GTF2A2: variants seen among roughly 807,000 people sequenced by gnomAD.
The protein encoded by GTF2A2 is transcription initiation factor IIA subunit 2.
A neutral mutation model predicts 14.3 loss-of-function variants in GTF2A2; 9 were observed. That is an observed-to-expected ratio of 0.63 (90% CI 0.38 to 1.10). The LOEUF (loss-of-function observed/expected upper bound fraction) is 1.10. Among genes scored for constraint, GTF2A2 ranks in the 50% least tolerant of loss-of-function variants. The pLI, the probability that GTF2A2 is intolerant of heterozygous loss-of-function variation, is 0.01. For synonymous variants in GTF2A2, 56 were observed against 46.0 expected, an observed-to-expected ratio of 1.22 and a Z score of -0.88; for missense variants, 90 against 124.6, an observed-to-expected ratio of 0.72 and a Z score of 1.32.
rs1442692311 is a variant in GTF2A2 at position 59,638,880 on chromosome 15, T to C, written c.*252A>G. The C allele has an allele frequency of 2.5e-6, 1 of 394,846 alleles. No homozygotes were observed. Among genetic ancestry groups the C allele is most frequent in the Non-Finnish European group, 4.6e-6 (1 of 217,904 alleles). The allele number at this position is 394,846 out of a possible 1,614,324, so 24.5% of individuals were successfully genotyped here. ...CCAGTTATTACTCAGAGTTTTAAAA[T>C]GAGTTTATTAAAGAAGGTTCTTAGG... On this transcript the variant is annotated 3_prime_UTR_variant, in exon 5 of 5. Coordinates refer to ENST00000396060, the MANE Select transcript of GTF2A2 (RefSeq NM_004492.3).
intron 3 of GTF2A2, among the ~76,000 whole-genome samples, chr15:59,645,894 C>T (rs1403664900): frequency 6.6e-6 from 1 of 151,870 alleles, no homozygotes; most frequent in Non-Finnish European, 1.5e-5. Context: ...ATTAGACGGG[C>T]ATGATGGTGG....
At chr15:59,639,179 AAAGT>A (rs1377731795) in intron 4 of GTF2A2, 22 bp from the exon 5 acceptor site, 17 of 1,332,764 alleles carry the variant, frequency 1.3e-5, no homozygotes, top group East Asian at 2.5e-5. Context: ...AAGAGAAAGT[AAAGT>A]AAAGTAAATT....
intron 4 of GTF2A2, chr15:59,640,177 G>C (rs1891360207): frequency 6.6e-6 from 1 of 152,226 alleles, no homozygotes; most frequent in African/African-American, 2.4e-5. Flanking sequence ...GCTGAAGTGT[G>C]AGGGAAAATC....
chr15:59,655,637 A>G (rs139648339), intron 1 of GTF2A2, among the ~76,000 whole-genome samples: 83 of 152,292 alleles, frequency 5.5e-4, no homozygotes, highest in African/African-American at 1.8e-3. Flanking sequence ...GTCTACACCC[A>G]TTCCTTACGG....
chr15:59,654,130 A>T (rs1399313753), intron 1 of GTF2A2, among the ~76,000 whole-genome samples: 1 of 152,142 alleles, frequency 6.6e-6, no homozygotes, highest in Non-Finnish European at 1.5e-5. Context: ...AAGGCAAATC[A>T]CATCACTGGT....
At chr15:59,654,488 C>T (rs552631319) in intron 1 of GTF2A2, among the ~76,000 whole-genome samples, 2 of 152,308 alleles carry the variant, frequency 1.3e-5, no homozygotes, top group Admixed American at 1.3e-4. Context: ...TTCTTCCTCA[C>T]ACTGCTTTAT....
intron 1 of GTF2A2, among the ~76,000 whole-genome samples, chr15:59,654,429 C>T (rs1891884495): frequency 1.3e-5 from 2 of 152,152 alleles, no homozygotes; most frequent in Admixed American, 1.3e-4. Flanking sequence ...AAGCATTACT[C>T]CATCAGAAAG....
chr15:59,649,953 G>T (rs1891740652), intron 3 of GTF2A2, among the ~76,000 whole-genome samples: 1 of 151,976 alleles, frequency 6.6e-6, no homozygotes, highest in African/African-American at 2.4e-5. Flanking sequence ...ATTTCTACAG[G>T]TTATGCCTTA....
intron 2 of GTF2A2, chr15:59,651,455 T>G (rs1891790516): frequency 6.6e-6 from 1 of 152,272 alleles, no homozygotes; most frequent in Non-Finnish European, 1.5e-5. Context: ...GGGATTACAG[T>G]CATGAGCCAT....
intron 1 of GTF2A2, among the ~76,000 whole-genome samples, chr15:59,654,250 C>T (rs1030402700): frequency 1.3e-5 from 2 of 152,190 alleles, no homozygotes; most frequent in Non-Finnish European, 2.9e-5. Flanking sequence ...CCTATCTTCG[C>T]CCACTCACCC....
chr15:59,652,609 TTAGTC>T (rs1891829250), intron 1 of GTF2A2, among the ~76,000 whole-genome samples: 1 of 152,206 alleles, frequency 6.6e-6, no homozygotes, highest in South Asian at 2.1e-4. Flanking sequence ...GCCTTCTGAC[TTAGTC>T]TAGAATTTTC....
chr15:59,646,229 G>A (rs1891602380), intron 3 of GTF2A2, among the ~76,000 whole-genome samples: 1 of 151,812 alleles, frequency 6.6e-6, no homozygotes, highest in African/African-American at 2.4e-5. Flanking sequence ...GCTAATTTTT[G>A]TATTTTTAGT....
At chr15:59,652,559 ATATT>A (rs1438872919) in intron 1 of GTF2A2, among the ~76,000 whole-genome samples, 1 of 152,096 alleles carries the variant, frequency 6.6e-6, no homozygotes, top group Non-Finnish European at 1.5e-5. Context: ...TATAGCTGTT[ATATT>A]TATTAAAATG....
chr15:59,651,590 T>G (rs1360607669), intron 2 of GTF2A2: 1 of 152,226 alleles, frequency 6.6e-6, no homozygotes, highest in East Asian at 1.9e-4. Context: ...TGGACAAAAC[T>G]ATCTTAAAGC....
intron 3 of GTF2A2, among the ~76,000 whole-genome samples, chr15:59,643,941 C>T (rs2141958834): frequency 6.6e-6 from 1 of 152,250 alleles, no homozygotes; most frequent in South Asian, 2.1e-4. Flanking sequence ...GTTGCCCAGG[C>T]TGGAGTGCAG....
At chr15:59,642,453 A>G (rs1019354592) in intron 3 of GTF2A2, among the ~76,000 whole-genome samples, 191 bp from the exon 4 acceptor site, 3 of 152,210 alleles carry the variant, frequency 2.0e-5, no homozygotes, top group African/African-American at 7.2e-5. Flanking sequence ...AGATTTCAAA[A>G]ATATTTTAGT....
intron 4 of GTF2A2, among the ~76,000 whole-genome samples, 163 bp from the exon 5 acceptor site, chr15:59,639,320 G>C (rs1272161681): frequency 1.3e-5 from 2 of 151,956 alleles, no homozygotes; most frequent in Middle Eastern, 3.2e-3. Flanking sequence ...TAAATATGTT[G>C]AACTTCAGTA....
At chr15:59,639,843 C>T (rs1177347858) in intron 4 of GTF2A2, among the ~76,000 whole-genome samples, 3 of 151,938 alleles carry the variant, frequency 2.0e-5, no homozygotes, top group East Asian at 1.9e-4. Flanking sequence ...CTCCACCTCT[C>T]GGGTTTAAGC....
intron 4 of GTF2A2, among the ~76,000 whole-genome samples, chr15:59,641,660 A>T (rs1034007775): frequency 3.3e-5 from 5 of 152,218 alleles, no homozygotes; most frequent in African/African-American, 4.8e-5. Flanking sequence ...TCTGGTGTGA[A>T]AAGTTCACTT....
Sources: gnomAD v4.1 joint callset for allele counts (sites outside exome capture counted in the v4.1 genomes callset) on GRCh38, gnomAD v4.1.1 for gene constraint, MANE v1.5 for transcripts, NCBI Gene and HGNC (gene_info 2026-07-23, HGNC 2026-07-21) for gene names.